Variants in UBE2E2 observed in about 807,000 individuals in gnomAD.
UBE2E2 encodes the protein ubiquitin conjugating enzyme E2 E2, also known as ubiquitin-conjugating enzyme E2 E2.
A neutral mutation model predicts 24.7 loss-of-function variants in UBE2E2; 6 were observed. That is an observed-to-expected ratio of 0.24 (90% CI 0.13 to 0.48). The LOEUF is 0.48. Ranked by LOEUF, UBE2E2 falls within the 20% of genes least tolerant of loss-of-function variation. UBE2E2 has a pLI of 0.99. For missense variants in UBE2E2, 169 were observed against 245.0 expected (o/e 0.69, Z 2.07); for synonymous variants, 104 against 83.6 (o/e 1.24, Z -1.33).
rs989800941 is a variant in UBE2E2 at position 23,337,622 on chromosome 3, A to G, written c.227+120310A>G. 5.3e-5 allele frequency among the ~76,000 whole-genome samples: 8 copies of G among 152,330 alleles called. No homozygotes were observed. In the South Asian group the frequency reaches 1.2e-3, roughly 24 times the overall value. On this transcript the variant is annotated intron_variant, in intron 3 of 5. Coordinates refer to ENST00000396703, the MANE Select transcript of UBE2E2 (RefSeq NM_152653.4). Reference sequence around the variant, plus strand: ...ATTTAAGTGAAGACTTGAATGATATATAAGAGTTAGCAGGACTAAGGCGGG... The same window carrying G: ...ATTTAAGTGAAGACTTGAATGATATGTAAGAGTTAGCAGGACTAAGGCGGG...
At chr3:23,266,881 G>C (rs1188140230) in intron 3 of UBE2E2, among the ~76,000 whole-genome samples, 1 of 152,112 alleles carries the variant, frequency 6.6e-6, no homozygotes, top group African/African-American at 2.4e-5. Context: ...AATCAAACTA[G>C]AACTCAGGAT....
At chr3:23,410,066 C>A (rs780417432) in intron 3 of UBE2E2, among the ~76,000 whole-genome samples, 1 of 152,116 alleles carries the variant, frequency 6.6e-6, no homozygotes, top group Admixed American at 6.6e-5. Context: ...TTGAACATAT[C>A]TTTTTGAGGG....
chr3:23,332,674 G>GGTGTGTGTGTGTGT (rs3086989), intron 3 of UBE2E2, among the ~76,000 whole-genome samples: 11 of 108,128 alleles, frequency 1.0e-4, no homozygotes, highest in South Asian at 2.8e-4. Flanking sequence ...CAGCCAGTGG[G>GGTGTGTGTGTGTGT]GTGTGTGTGT....
chr3:23,557,262 C>A (rs755678358), intron 5 of UBE2E2, among the ~76,000 whole-genome samples: 2 of 152,172 alleles, frequency 1.3e-5, no homozygotes, highest in Non-Finnish European at 2.9e-5. Flanking sequence ...ATATGGCAGG[C>A]TCATTGAATG....
In UBE2E2 at chr3:23,248,065, C is replaced by T. The variant is rs550700491; in HGVS notation, c.227+30753C>T. ...TCCAATTCCCAATTCTAATCAATTT[C>T]GTCCTCATTTTTCACTATTGCAAAA... On this transcript the variant is annotated intron_variant, in intron 3 of 5. Coordinates refer to ENST00000396703, the MANE Select transcript of UBE2E2 (RefSeq NM_152653.4). Among the ~76,000 whole-genome samples, 32 of 152,344 alleles carry T rather than the reference C, an allele frequency of 2.1e-4. No homozygotes were observed. The South Asian group carries it at 3.9e-3, about 19-fold the overall frequency.
intron 5 of UBE2E2, among the ~76,000 whole-genome samples, chr3:23,542,919 C>G (rs1406027743): frequency 6.6e-6 from 1 of 152,102 alleles, no homozygotes; most frequent in African/African-American, 2.4e-5. Context: ...ATTTTATTGT[C>G]TCTTAATTAA....
intron 3 of UBE2E2, among the ~76,000 whole-genome samples, chr3:23,232,654 C>T (rs73821300): frequency 0.011 from 1,684 of 152,006 alleles, 27 homozygotes; most frequent in African/African-American, 0.039. Flanking sequence ...TTGCATGAGC[C>T]GAGAAATCTT....
intron 3 of UBE2E2, among the ~76,000 whole-genome samples, chr3:23,443,179 C>T (rs1698344452): frequency 6.6e-6 from 1 of 152,112 alleles, no homozygotes; most frequent in South Asian, 2.1e-4. Flanking sequence ...GATCTCATCT[C>T]TGCCTGTGGT....
chr3:23,348,101 C>T lies in UBE2E2; in HGVS notation c.227+130789C>T, dbSNP rs556169997. On this transcript the variant is annotated intron_variant, in intron 3 of 5. Coordinates refer to ENST00000396703, the MANE Select transcript of UBE2E2 (RefSeq NM_152653.4). ...CATCTCACCATCAATCATCGCAAGA[C>T]GACAATGGTATGAATAACCAATGTT... 3.0e-4 allele frequency among the ~76,000 whole-genome samples: 46 copies of T among 152,142 alleles called. No individual in the cohort carries two copies. In the East Asian group the frequency reaches 3.9e-3, roughly 13 times the overall value.
chr3:23,341,286 G>T (rs1274958400), intron 3 of UBE2E2, among the ~76,000 whole-genome samples: 1 of 152,124 alleles, frequency 6.6e-6, no homozygotes, highest in African/African-American at 2.4e-5. Context: ...CTGTATGCCA[G>T]ACAGGAACCC....
chr3:23,272,826 A>G (rs751574940), intron 3 of UBE2E2, among the ~76,000 whole-genome samples: 8 of 152,192 alleles, frequency 5.3e-5, no homozygotes, highest in Non-Finnish European at 7.3e-5. Flanking sequence ...CAGGAGAGCC[A>G]GTAGTATAAG....
intron 3 of UBE2E2, among the ~76,000 whole-genome samples, chr3:23,468,287 G>A (rs1482492991): frequency 6.6e-6 from 1 of 152,134 alleles, no homozygotes; most frequent in Non-Finnish European, 1.5e-5. Context: ...CACTTCAGCA[G>A]TTGTTTTTCT....
At chr3:23,338,293 TG>T (rs1210675099) in intron 3 of UBE2E2, among the ~76,000 whole-genome samples, 9 of 152,150 alleles carry the variant, frequency 5.9e-5, no homozygotes, top group African/African-American at 1.9e-4. Flanking sequence ...CAACTAAATA[TG>T]TGGTGGATAT....
chr3:23,514,393 A>AT (rs1388721778), intron 4 of UBE2E2, among the ~76,000 whole-genome samples: 1 of 152,172 alleles, frequency 6.6e-6, no homozygotes, highest in Non-Finnish European at 1.5e-5. Flanking sequence ...TAGCCTGTGT[A>AT]TCCTTAACAC....
chr3:23,234,115 G>C (rs1019320338), intron 3 of UBE2E2, among the ~76,000 whole-genome samples: 1 of 152,100 alleles, frequency 6.6e-6, no homozygotes, highest in Middle Eastern at 3.4e-3. Context: ...GCTTACTTGG[G>C]TGTGGGTTGG....
chr3:23,386,654 A>C (rs1318054739), intron 3 of UBE2E2, among the ~76,000 whole-genome samples: 1 of 152,196 alleles, frequency 6.6e-6, no homozygotes, highest in African/African-American at 2.4e-5. Flanking sequence ...AAGCATATTG[A>C]AGTGAATTTT....
intron 3 of UBE2E2, among the ~76,000 whole-genome samples, chr3:23,285,752 G>T (rs1698602085): frequency 6.6e-6 from 1 of 152,124 alleles, no homozygotes. Context: ...ATCCAGGCAG[G>T]TGTGCAGTGG....
intron 3 of UBE2E2, among the ~76,000 whole-genome samples, chr3:23,222,298 T>A (rs1696670728): frequency 6.6e-6 from 1 of 152,212 alleles, no homozygotes; most frequent in South Asian, 2.1e-4. Context: ...TGAATGGTAC[T>A]TGGGTAAACA....
intron 3 of UBE2E2, among the ~76,000 whole-genome samples, chr3:23,423,185 A>G (rs1238290663): frequency 6.6e-6 from 1 of 152,220 alleles, no homozygotes; most frequent in Non-Finnish European, 1.5e-5. Flanking sequence ...CTCTGAAGCT[A>G]TAATTGTTTT....
Sources: gnomAD v4.1 joint callset for allele counts (sites outside exome capture counted in the v4.1 genomes callset) on GRCh38, gnomAD v4.1.1 for gene constraint, MANE v1.5 for transcripts, NCBI Gene and HGNC (gene_info 2026-07-23, HGNC 2026-07-21) for gene names.